EIF2B5: variants seen among roughly 807,000 people sequenced by gnomAD.
The protein encoded by EIF2B5 is translation initiation factor eIF2B subunit epsilon.
A neutral mutation model predicts 87.3 loss-of-function variants in EIF2B5; 38 were observed. That is an observed-to-expected ratio of 0.44 (90% confidence interval 0.34 to 0.57). The LOEUF is 0.57. Ranked by LOEUF, EIF2B5 falls within the 20% of genes least tolerant of loss-of-function variation. EIF2B5 has a pLI of 0.02. For missense variants in EIF2B5, 784 were observed against 909.5 expected, an observed-to-expected ratio of 0.86 and a Z score of 1.78; for synonymous variants, 313 against 339.6, an observed-to-expected ratio of 0.92 and a Z score of 0.86.
At chr3:184,135,638 G>C in intron 1 of EIF2B5, 58 bp downstream of exon 1, 1 of 1,550,318 alleles carries the variant, frequency 6.5e-7, no homozygotes, top group Non-Finnish European at 8.7e-7. Flanking sequence ...GCTGGAGCAA[G>C]TTCTCATTTC....
At chr3:184,141,582 A>G (rs1428513481) in intron 7 of EIF2B5, among the ~76,000 whole-genome samples, 1 of 152,054 alleles carries the variant, frequency 6.6e-6, no homozygotes, top group Non-Finnish European at 1.5e-5. Flanking sequence ...GAAAAAAAAG[A>G]CTTGGTTTCT....
At position 184,143,140 on chromosome 3, in the gene EIF2B5, C is replaced by T. The variant is rs1415967500; in HGVS notation, c.1743C>T (p.Leu581=). ...ATCTCGTCCTGGAAATCAACTCTCT[C>T]AAGTAAGAGCAGCCCCTCCCTGTTC... is the stretch of plus-strand genomic sequence containing the variant. ...CDNLVLEINS[L]KYAYNISLKE... The change falls in exon 12 of 16, where the codon CTC becomes CTT. Residue 581 remains leucine (L), a splice_region_variant and synonymous_variant. Coordinates refer to ENST00000648915, the MANE Select transcript of EIF2B5 (RefSeq NM_003907.3). The T allele has an allele frequency of 1.2e-6, 2 of 1,612,772 alleles. No individual in the cohort carries two copies. The highest frequency in any genetic ancestry group is 1.7e-6 in the Non-Finnish European group (2 of 1,179,526).
rs1713390013 is a variant in EIF2B5 at position 184,136,959 on chromosome 3, T to A, written c.320+223T>A. ...CAAAGATTAAAGAATAAACTTGGGTTTTTTCTGAATCTCATTATAAAGTTT... is the reference window on the plus strand; with the variant it reads ...CAAAGATTAAAGAATAAACTTGGGTATTTTCTGAATCTCATTATAAAGTTT... On this transcript the variant is annotated intron_variant, in intron 2 of 15. Transcript: ENST00000648915. 2.2e-5 allele frequency: 13 copies of A among 597,976 alleles called. No homozygotes were observed. The East Asian group carries it at 4.1e-4, about 19-fold the overall frequency. 37.0% of individuals were successfully genotyped at this position (597,976 alleles called of 1,614,324 possible).
In EIF2B5 at chr3:184,145,277, T is replaced by G; in HGVS notation, c.*334T>G. ...GAGAGCAGTTGGCTCTTTCTGCTGC[T>G]TGTATATGTTAATATTAAAAGAGAG... is the stretch of plus-strand genomic sequence containing the variant. On this transcript the variant is annotated 3_prime_UTR_variant, in exon 16 of 16. Transcript: ENST00000648915. This position sits in a 1 kb window ranked among gnomAD's most constrained non-coding sequence, Gnocchi z 4.0. 2.4e-6 allele frequency: 1 copy of G among 419,280 alleles called. No homozygotes were observed. Among genetic ancestry groups the G allele is most frequent in the South Asian group, 2.2e-5 (1 of 46,188 alleles). The allele number at this position is 419,280 out of a possible 1,614,324, so 26.0% of individuals were successfully genotyped here.
intron 13 of EIF2B5, 166 bp downstream of exon 13, chr3:184,143,731 T>C (rs1023827180): frequency 1.3e-5 from 13 of 983,132 alleles, no homozygotes; most frequent in Middle Eastern, 2.7e-4. Context: ...AGGGGTCAGA[T>C]TGAGTTCAAT....
At chr3:184,136,040 C>T (rs537769830) in intron 1 of EIF2B5, 2 of 220,306 alleles carry the variant, frequency 9.1e-6, no homozygotes, top group East Asian at 2.4e-4. Context: ...TGCTATCTGT[C>T]GAAAGGACAA....
rs1260977608 is a variant in EIF2B5, at chr3:184,140,523, T to C, written c.949T>C (p.Trp317Arg). ...TGTCTGTGCTGACGTCATCCGCCGA[T>C]GGGTCTACCCTCTCACCCCAGAGGC... ...SAVCADVIRR[W>R]VYPLTPEANF... The change falls in exon 7 of 16, where the codon TGG (tryptophan) becomes CGG (arginine). Residue 317 changes from tryptophan to arginine, a missense_variant. Around this residue, in one of 3 missense-constraint regions of EIF2B5, gnomAD observed 660 missense variants for 789.5 expected, o/e 0.84. Coordinates refer to ENST00000648915, the MANE Select transcript of EIF2B5 (RefSeq NM_003907.3). 6.2e-7 allele frequency: 1 copy of C among 1,614,202 alleles called. No homozygotes were observed. The highest frequency in any genetic ancestry group is 8.5e-7 in the Non-Finnish European group (1 of 1,180,046).
At position 184,140,528 on chromosome 3, in the gene EIF2B5, C is replaced by G; in HGVS notation, c.954C>G (p.Val318=). 6.2e-7 allele frequency: 1 copy of G among 1,614,178 alleles called. No homozygotes were observed. Among genetic ancestry groups the G allele is most frequent in the South Asian group, 1.1e-5 (1 of 91,082 alleles). Residue 318 remains valine, a synonymous_variant, in exon 7 of 16, where the codon GTC becomes GTG. Coordinates refer to ENST00000648915, the MANE Select transcript of EIF2B5 (RefSeq NM_003907.3). ...GTGCTGACGTCATCCGCCGATGGGT[C>G]TACCCTCTCACCCCAGAGGCGAACT... ...AVCADVIRRW[V]YPLTPEANFT...
At position 184,138,242 on chromosome 3, in the gene EIF2B5, C is replaced by T. The variant is rs780681066; in HGVS notation, c.761C>T (p.Pro254Leu). 6.2e-7 allele frequency: 1 copy of T among 1,613,686 alleles called. No individual in the cohort carries two copies. Among genetic ancestry groups the T allele is most frequent in the Non-Finnish European group, 8.5e-7 (1 of 1,180,036 alleles). Reference protein sequence around the residue: ...LLDCHISICSPQVAQLFTDNF... With the variant: ...LLDCHISICSLQVAQLFTDNF... ...GATTGTCATATCAGCATCTGTTCTC[C>T]TCAGGTGAGCTCTTTAGGGCTGGGG... The change falls in exon 5 of 16, where the codon CCT (proline) becomes CTT (leucine). Residue 254 changes from proline (P) to leucine (L), a missense_variant. Coordinates refer to ENST00000648915, the MANE Select transcript of EIF2B5 (RefSeq NM_003907.3).
In EIF2B5 at chr3:184,135,397, T is replaced by C. The variant is rs1467449031; in HGVS notation, c.12T>C (p.Pro4=). 2 of 1,579,700 alleles carry C rather than the reference T, an allele frequency of 1.3e-6. No homozygotes were observed. Among genetic ancestry groups the C allele is most frequent in the East Asian group, 2.3e-5 (1 of 43,884 alleles). ...CGTGAGAGAAGAAGATGGCGGCCCC[T>C]GTAGTGGCGCCGCCTGGTGTGGTGG... The part of the protein sequence containing the change: MAA[P]VVAPPGVVVS... The change falls in exon 1 of 16, where the codon CCT becomes CCC. Residue 4 remains proline, a synonymous_variant. Transcript: ENST00000648915.
At position 184,140,142 on chromosome 3, in the gene EIF2B5, C is replaced by G. The variant is rs999630974; in HGVS notation, c.828C>G (p.Leu276=). The part of the protein sequence containing the change: ...YQTRDDFVRG[L]LVNEEILGNQ... ...CTCGAGATGACTTTGTGCGAGGTCTCTTAGTGAATGAGGAGGTGAGAAAAG... is the reference window on the plus strand; with the variant it reads ...CTCGAGATGACTTTGTGCGAGGTCTGTTAGTGAATGAGGAGGTGAGAAAAG... The change falls in exon 6 of 16, where the codon CTC becomes CTG. Residue 276 remains leucine, a synonymous_variant. Coordinates refer to ENST00000648915, the MANE Select transcript of EIF2B5 (RefSeq NM_003907.3). The G allele has an allele frequency of 1.2e-6, 2 of 1,613,772 alleles. No homozygotes were observed. The highest frequency in any genetic ancestry group is 1.7e-6 in the Non-Finnish European group (2 of 1,179,880).
At chr3:184,138,391 C>A in intron 5 of EIF2B5, 145 bp downstream of exon 5, 2 of 834,836 alleles carry the variant, frequency 2.4e-6, no homozygotes, top group East Asian at 2.7e-5. Flanking sequence ...GAGTCTCGCT[C>A]TGTTGCCCAG....
At chr3:184,139,874 T>TTAG (rs991085881) in intron 5 of EIF2B5, among the ~76,000 whole-genome samples, 2 of 151,214 alleles carry the variant, frequency 1.3e-5, no homozygotes, top group African/African-American at 4.9e-5. Context: ...AATACAAAAA[T>TTAG]TAGCTGGGCG....
In EIF2B5 at chr3:184,140,504, T is replaced by C. The variant is rs1385346017; in HGVS notation, c.930T>C (p.Cys310=). The stretch of plus-strand genomic sequence containing the variant: ...ACCTACACATGTACTCAGCTGTCTG[T>C]GCTGACGTCATCCGCCGATGGGTCT... ...VSNLHMYSAV[C]ADVIRRWVYP... Residue 310 remains cysteine (C), a synonymous_variant, in exon 7 of 16, where the codon TGT becomes TGC. Transcript: ENST00000648915. 1.9e-6 allele frequency: 3 copies of C among 1,614,058 alleles called. No individual in the cohort carries two copies. The Admixed American group carries it at 5.0e-5, about 27-fold the overall frequency.
intron 5 of EIF2B5, among the ~76,000 whole-genome samples, chr3:184,139,830 A>G (rs1039733168): frequency 1.3e-5 from 2 of 151,566 alleles, no homozygotes; most frequent in African/African-American, 4.8e-5. Flanking sequence ...AGCCTGACCA[A>G]CACAGTGAAA....
rs191998519 is a variant in EIF2B5 at position 184,136,938 on chromosome 3, G to C, written c.320+202G>C. The C allele has an allele frequency of 2.1e-4, 150 of 709,110 alleles. No homozygotes were observed. In the East Asian group the frequency reaches 2.2e-3, roughly 10 times the overall value. 43.9% of individuals were successfully genotyped at this position (709,110 alleles called of 1,614,324 possible). A position where few individuals can be genotyped will look rare whatever the true frequency, so the allele number is the denominator to read the frequency against. On this transcript the variant is annotated intron_variant, in intron 2 of 15. Coordinates refer to ENST00000648915, the MANE Select transcript of EIF2B5 (RefSeq NM_003907.3). Reference sequence around the variant, plus strand: ...TCTGTCTTGGGTTTTCTGTGACAAAGATTAAAGAATAAACTTGGGTTTTTT... The same window carrying C: ...TCTGTCTTGGGTTTTCTGTGACAAACATTAAAGAATAAACTTGGGTTTTTT...
At chr3:184,143,329 C>T in intron 12 of EIF2B5, 113 bp from the exon 13 acceptor site, 1 of 1,579,026 alleles carries the variant, frequency 6.3e-7, no homozygotes, top group Non-Finnish European at 8.7e-7. Context: ...TTCCTAAACC[C>T]TCCCCTTCCA....
At chr3:184,143,630 G>T in intron 13 of EIF2B5, 65 bp downstream of exon 13, 2 of 1,611,680 alleles carry the variant, frequency 1.2e-6, no homozygotes, top group South Asian at 2.2e-5. Flanking sequence ...GGAGTAGACT[G>T]TCTTGTTATA....
chr3:184,135,608 A>AGG, intron 1 of EIF2B5, 28 bp downstream of exon 1: 16 of 1,567,424 alleles, frequency 1.0e-5, no homozygotes, highest in Non-Finnish European at 1.3e-5. Context: ...GAGCAGCCAG[A>AGG]GGGCAGGAAG....
Sources: gnomAD v4.1 joint callset for allele counts (sites outside exome capture counted in the v4.1 genomes callset) on GRCh38, gnomAD v4.1.1 for gene constraint, gnomAD v4.1.1 regional missense constraint, Gnocchi (gnomAD v3.1) non-coding constraint, MANE v1.5 for transcripts, NCBI Gene and HGNC (gene_info 2026-07-23, HGNC 2026-07-21) for gene names.